Variants in RBFOX1 observed in about 807,000 individuals in gnomAD.
RBFOX1 encodes RNA binding protein fox-1 homolog 1.
A neutral mutation model predicts 57.7 loss-of-function variants in RBFOX1; 8 were observed. The observed-to-expected ratio is 0.14, with a 90% CI of 0.08 to 0.25. The LOEUF (loss-of-function observed/expected upper bound fraction) is 0.25. RBFOX1 is among the 10% of genes least tolerant of loss of function. The pLI is 1.00. For synonymous variants in RBFOX1, 326 were observed against 222.4 expected, an observed-to-expected ratio of 1.47 and a Z score of -4.15; for missense variants, 611 against 548.5, an observed-to-expected ratio of 1.11 and a Z score of -1.14.
intron 3 of RBFOX1, among the ~76,000 whole-genome samples, chr16:5,841,579 T>C (rs9933711): frequency 0.52 from 78,738 of 152,134 alleles, 22,688 homozygotes; most frequent in African/African-American, 0.78. Flanking sequence ...AGCAACCATT[T>C]GTTTAGCATA....
At chr16:5,955,516 A>G (rs1277180963) in intron 4 of RBFOX1, among the ~76,000 whole-genome samples, 1 of 152,150 alleles carries the variant, frequency 6.6e-6, no homozygotes, top group Non-Finnish European at 1.5e-5. Flanking sequence ...ATAAATAATC[A>G]TCATAGAAGT....
At chr16:6,864,818 G>C (rs2059623090) in intron 3 of RBFOX1, among the ~76,000 whole-genome samples, 1 of 151,722 alleles carries the variant, frequency 6.6e-6, no homozygotes, top group Non-Finnish European at 1.5e-5. Flanking sequence ...TATGCTACTT[G>C]GGTATTTTGT....
At chr16:7,453,514 GC>G (rs1177765199) in intron 4 of RBFOX1, among the ~76,000 whole-genome samples, 5 of 152,320 alleles carry the variant, frequency 3.3e-5, no homozygotes, top group African/African-American at 1.2e-4. Context: ...ACGAGCAGGG[GC>G]TGGTCCTTTA....
chr16:5,298,814 C>T (rs896556821), intron 1 of RBFOX1, among the ~76,000 whole-genome samples: 1 of 36,832 alleles, frequency 2.7e-5, no homozygotes, highest in African/African-American at 1.1e-4. Flanking sequence ...TTGGGAGAAA[C>T]AAAGGAAAAG....
intron 1 of RBFOX1, among the ~76,000 whole-genome samples, chr16:5,386,424 G>A (rs903324631): frequency 6.6e-6 from 1 of 152,070 alleles, no homozygotes; most frequent in Non-Finnish European, 1.5e-5. Flanking sequence ...GCTGAGCCAC[G>A]CAAGAGGGCT....
At chr16:7,707,250 C>A (rs566157836) in intron 14 of RBFOX1, among the ~76,000 whole-genome samples, 1 of 152,080 alleles carries the variant, frequency 6.6e-6, no homozygotes, top group South Asian at 2.1e-4. Flanking sequence ...TGTTTTATTC[C>A]ACCTAGGGTC....
chr16:6,630,137 G>C (rs2098365810), intron 2 of RBFOX1, among the ~76,000 whole-genome samples: 1 of 151,974 alleles, frequency 6.6e-6, no homozygotes. Flanking sequence ...ATTTTACTCA[G>C]CTACTTCAGC....
chr16:6,042,763 A>G (rs544559965), intron 1 of RBFOX1, among the ~76,000 whole-genome samples: 16 of 152,200 alleles, frequency 1.1e-4, no homozygotes, highest in Non-Finnish European at 2.2e-4. Context: ...ACAAATCAGT[A>G]CATGAAAGGT....
intron 4 of RBFOX1, among the ~76,000 whole-genome samples, chr16:7,493,117 G>C (rs1473230653): frequency 1.3e-5 from 2 of 152,126 alleles, no homozygotes; most frequent in Non-Finnish European, 2.9e-5. Context: ...GACCTTAGGG[G>C]ATTCGCCCGC....
At chr16:5,249,966 G>A (rs1198652029) in intron 1 of RBFOX1, among the ~76,000 whole-genome samples, 21 of 150,454 alleles carry the variant, frequency 1.4e-4, no homozygotes, top group Non-Finnish European at 2.4e-4. Context: ...GGAGCAGGTT[G>A]CAGTGAGGAG....
chr16:6,762,221 A>T (rs1046137456), intron 3 of RBFOX1, among the ~76,000 whole-genome samples: 1 of 152,198 alleles, frequency 6.6e-6, no homozygotes, highest in African/African-American at 2.4e-5. Flanking sequence ...TAACTAAATA[A>T]TTGCAAATAA....
At chr16:7,211,667 A>G (rs952774097) in intron 4 of RBFOX1, among the ~76,000 whole-genome samples, 3 of 152,130 alleles carry the variant, frequency 2.0e-5, no homozygotes, top group South Asian at 2.1e-4. Context: ...ATGAACAAGA[A>G]TGTAAGTTAC....
At chr16:5,450,334 T>G (rs146228589) in intron 1 of RBFOX1, among the ~76,000 whole-genome samples, 5 of 152,196 alleles carry the variant, frequency 3.3e-5, no homozygotes, top group African/African-American at 1.2e-4. Context: ...TTATGAAGGG[T>G]TCCAGGAAGA....
intron 2 of RBFOX1, among the ~76,000 whole-genome samples, chr16:6,563,643 C>A (rs193051127): frequency 4.4e-4 from 67 of 152,064 alleles, no homozygotes; most frequent in African/African-American, 1.6e-3. Flanking sequence ...CAGGGGTTCA[C>A]GACCGTTATC....
chr16:7,542,699 G>GAAAA (rs59316335), intron 5 of RBFOX1, among the ~76,000 whole-genome samples: 6 of 74,362 alleles, frequency 8.1e-5, no homozygotes, highest in African/African-American at 1.6e-4. Flanking sequence ...TACTAAAAAT[G>GAAAA]AAAAAAAAAA....
chr16:5,304,833 AT>A (rs74661827), intron 1 of RBFOX1, among the ~76,000 whole-genome samples: 4 of 151,828 alleles, frequency 2.6e-5, no homozygotes, highest in South Asian at 2.1e-4. Context: ...ATATAAAGTG[AT>A]TTTTTTCCCC....
At chr16:5,412,689 T>C (rs1196937743) in intron 1 of RBFOX1, among the ~76,000 whole-genome samples, 1 of 152,232 alleles carries the variant, frequency 6.6e-6, no homozygotes, top group Non-Finnish European at 1.5e-5. Flanking sequence ...TGCTGATTTA[T>C]TTCTCGTAAC....
At chr16:5,925,460 A>C (rs572344350) in intron 4 of RBFOX1, among the ~76,000 whole-genome samples, 2 of 152,204 alleles carry the variant, frequency 1.3e-5, no homozygotes, top group Non-Finnish European at 2.9e-5. Flanking sequence ...AGGAAAACCC[A>C]TGGAAACAGA....
At chr16:7,534,671 C>G (rs572703280) in intron 5 of RBFOX1, among the ~76,000 whole-genome samples, 6 of 152,130 alleles carry the variant, frequency 3.9e-5, no homozygotes, top group Admixed American at 1.3e-4. Context: ...AGAACTAAGT[C>G]TAATGTATTT....
Sources: gnomAD v4.1 joint callset for allele counts (sites outside exome capture counted in the v4.1 genomes callset) on GRCh38, gnomAD v4.1.1 for gene constraint, MANE v1.5 for transcripts, NCBI Gene and HGNC (gene_info 2026-07-23, HGNC 2026-07-21) for gene names.